MAGI3: variants seen among roughly 807,000 people sequenced by gnomAD.
MAGI3 encodes membrane-associated guanylate kinase, WW and PDZ domain-containing protein 3.
A neutral mutation model predicts 121.8 loss-of-function variants in MAGI3; 43 were observed. The observed-to-expected ratio is 0.35, with a 90% CI of 0.28 to 0.46. The LOEUF (loss-of-function observed/expected upper bound fraction) is 0.46. Ranked by LOEUF, MAGI3 falls within the 20% of genes least tolerant of loss-of-function variation. The probability of loss-of-function intolerance (pLI) is 1.00; values close to 1 mark genes in which losing one functional copy is unlikely to be tolerated. For missense variants in MAGI3, 1,547 were observed against 1,797.3 expected (o/e 0.86, Z 2.52); for synonymous variants, 553 against 639.3 (o/e 0.86, Z 2.04).
At chr1:113,434,619 C>T (rs566102261) in intron 1 of MAGI3, among the ~76,000 whole-genome samples, 1 of 152,262 alleles carries the variant, frequency 6.6e-6, no homozygotes, top group Non-Finnish European at 1.5e-5. Flanking sequence ...CTGTGCCTCT[C>T]TATGTTTTAT....
At chr1:113,438,126 A>G (rs1557757529) in intron 1 of MAGI3, among the ~76,000 whole-genome samples, 1 of 151,684 alleles carries the variant, frequency 6.6e-6, no homozygotes, top group Non-Finnish European at 1.5e-5. Flanking sequence ...TTTTTGTTTG[A>G]GGCTGGGGTG....
rs752890828 is a variant in MAGI3, at chr1:113,659,276, A to G, written c.2815+11A>G. 5.6e-6 allele frequency: 9 copies of G among 1,611,980 alleles called. No homozygotes were observed. The Admixed American group carries it at 1.5e-4, about 27-fold the overall frequency. On this transcript the variant is annotated intron_variant, in intron 16 of 20. Coordinates refer to ENST00000307546, the MANE Select transcript of MAGI3 (RefSeq NM_001142782.2). ...TCATTGCTGAAGAAGGTAAGGAGCCAGTAGACGCGCCTGCCCCAAGCTGAT... is the reference window on the plus strand; with the variant it reads ...TCATTGCTGAAGAAGGTAAGGAGCCGGTAGACGCGCCTGCCCCAAGCTGAT...
intron 1 of MAGI3, among the ~76,000 whole-genome samples, chr1:113,512,371 A>G (rs1167459205): frequency 6.6e-6 from 1 of 152,228 alleles, no homozygotes; most frequent in Non-Finnish European, 1.5e-5. Flanking sequence ...AACCACTTAA[A>G]GATCTAAATA....
intron 1 of MAGI3, chr1:113,404,042 G>A (rs1197356431): frequency 6.6e-6 from 1 of 151,900 alleles, no homozygotes; most frequent in African/African-American, 2.4e-5. Flanking sequence ...TAGGGCCAAG[G>A]GATTTTAACA....
At chr1:113,673,259 T>G (rs1647672244) in intron 18 of MAGI3, 63 bp from the exon 19 acceptor site, 1 of 1,533,052 alleles carries the variant, frequency 6.5e-7, no homozygotes, top group African/African-American at 1.4e-5. Context: ...GAAGTAATCT[T>G]TCTTCAAAAT....
intron 16 of MAGI3, among the ~76,000 whole-genome samples, chr1:113,662,320 G>A (rs1037258949): frequency 1.3e-5 from 2 of 152,110 alleles, no homozygotes; most frequent in East Asian, 1.9e-4. Flanking sequence ...ACTTGAGACT[G>A]TTCTCTATCA....
chr1:113,467,623 C>A (rs767625328), intron 1 of MAGI3, among the ~76,000 whole-genome samples: 3 of 152,150 alleles, frequency 2.0e-5, no homozygotes, highest in Non-Finnish European at 4.4e-5. Flanking sequence ...GCTTCAACCT[C>A]CTGGGTTCGA....
chr1:113,462,260 G>A (rs2101519694), intron 1 of MAGI3, among the ~76,000 whole-genome samples: 1 of 152,236 alleles, frequency 6.6e-6, no homozygotes. Flanking sequence ...ACACATCCAT[G>A]TGAATGTTTA....
intron 1 of MAGI3, among the ~76,000 whole-genome samples, chr1:113,430,855 T>TA (rs1653266741): frequency 6.6e-6 from 1 of 152,238 alleles, no homozygotes; most frequent in Non-Finnish European, 1.5e-5. Context: ...TCATATGACT[T>TA]ATGGCATTAG....
At chr1:113,528,902 A>G (rs1308802533) in intron 1 of MAGI3, among the ~76,000 whole-genome samples, 2 of 152,222 alleles carry the variant, frequency 1.3e-5, no homozygotes, top group African/African-American at 2.4e-5. Flanking sequence ...TCAGAATACT[A>G]TGTTCAAAAG....
chr1:113,618,517 T>A (rs1209036665), intron 7 of MAGI3: 1 of 451,264 alleles, frequency 2.2e-6, no homozygotes, highest in East Asian at 7.0e-5. Flanking sequence ...ATTTTTTATT[T>A]TTTTTGCCGT....
At chr1:113,495,113 A>G (rs1656856496) in intron 1 of MAGI3, among the ~76,000 whole-genome samples, 1 of 152,296 alleles carries the variant, frequency 6.6e-6, no homozygotes, top group African/African-American at 2.4e-5. Context: ...TAGATGCTCC[A>G]TTTACTTCAA....
At chr1:113,466,552 T>C (rs1474697033) in intron 1 of MAGI3, among the ~76,000 whole-genome samples, 1 of 152,048 alleles carries the variant, frequency 6.6e-6, no homozygotes, top group African/African-American at 2.4e-5. Flanking sequence ...GTAGAATTGA[T>C]ATTTGTTTGT....
At chr1:113,411,592 A>C (rs1414078088) in intron 1 of MAGI3, among the ~76,000 whole-genome samples, 2 of 152,120 alleles carry the variant, frequency 1.3e-5, no homozygotes, top group African/African-American at 4.8e-5. Context: ...ATGATTATTA[A>C]AAAACTGCTG....
intron 9 of MAGI3, among the ~76,000 whole-genome samples, chr1:113,631,767 T>A (rs1431663489): frequency 6.6e-6 from 1 of 152,224 alleles, no homozygotes; most frequent in African/African-American, 2.4e-5. Context: ...ATTGAACTCC[T>A]ATGTTAAGAA....
intron 2 of MAGI3, among the ~76,000 whole-genome samples, chr1:113,575,225 C>T (rs974975742): frequency 1.3e-5 from 2 of 152,104 alleles, no homozygotes; most frequent in Non-Finnish European, 2.9e-5. Context: ...CAGTTTTGTG[C>T]CCTTGTCAGA....
chr1:113,539,562 CTTTAAG>C (rs990173340), intron 1 of MAGI3, among the ~76,000 whole-genome samples: 3 of 150,870 alleles, frequency 2.0e-5, no homozygotes, highest in Non-Finnish European at 4.4e-5. Context: ...TATTATTATA[CTTTAAG>C]TTTTAGGGTA....
intron 5 of MAGI3, 44 bp from the exon 6 acceptor site, chr1:113,594,437 C>G: frequency 6.9e-7 from 1 of 1,451,838 alleles, no homozygotes; most frequent in Non-Finnish European, 9.5e-7. Flanking sequence ...ATAATTTTCT[C>G]CTCCTTTATT....
chr1:113,455,344 C>G (rs1309877699), intron 1 of MAGI3, among the ~76,000 whole-genome samples: 1 of 151,954 alleles, frequency 6.6e-6, no homozygotes, highest in Non-Finnish European at 1.5e-5. Flanking sequence ...CTAAAATTTC[C>G]TAGCAGATAT....
Sources: allele counts gnomAD v4.1 joint callset (sites outside exome capture counted in the v4.1 genomes callset), GRCh38; gene constraint gnomAD v4.1.1; transcripts MANE v1.5; gene names NCBI Gene and HGNC (gene_info 2026-07-23, HGNC 2026-07-21).